Variants in GAB3 observed in about 807,000 individuals in gnomAD.
GAB3 encodes the protein GRB2 associated binding protein 3, also known as GRB2-associated-binding protein 3.
A neutral mutation model predicts 40.4 loss-of-function variants in GAB3; 12 were observed. The observed-to-expected ratio is 0.30, with a 90% CI of 0.19 to 0.48. GAB3 has a LOEUF of 0.48. Among genes scored for constraint, GAB3 ranks in the 20% least tolerant of loss-of-function variants. The pLI is 0.99. For missense variants in GAB3, 381 were observed against 461.9 expected (o/e 0.82, Z 1.61); for synonymous variants, 154 against 176.7 (o/e 0.87, Z 1.02).
intron 6 of GAB3, among the ~76,000 whole-genome samples, chrX:154,698,355 A>T (rs781841715): frequency 6.3e-5 from 7 of 111,884 alleles, no homozygotes; most frequent in Non-Finnish European, 1.3e-4. Context: ...TCATCTTTGT[A>T]TCCCACCCAG....
intron 8 of GAB3, among the ~76,000 whole-genome samples, chrX:154,689,635 G>T (rs1190735138): frequency 9.0e-6 from 1 of 111,160 alleles, no homozygotes; most frequent in African/African-American, 3.3e-5. Context: ...GACAAACGGA[G>T]AGCCAAATCA....
intron 1 of GAB3, among the ~76,000 whole-genome samples, chrX:154,728,792 C>T (rs2071250788): frequency 1.8e-5 from 2 of 112,476 alleles, no homozygotes; most frequent in African/African-American, 6.5e-5. Flanking sequence ...GTACCTCCAA[C>T]ATCTTTAACA....
At chrX:154,742,832 G>C (rs903418171) in intron 1 of GAB3, among the ~76,000 whole-genome samples, 1 of 110,173 alleles carries the variant, frequency 9.1e-6, no homozygotes, top group African/African-American at 3.3e-5. Flanking sequence ...CTAGAGATAG[G>C]AGTGAGGAGT....
Position 154,713,230 on chromosome X carries a change from C to T in GAB3, c.573G>A (p.Glu191=). ...ACCTGGTATGGTGCAGTCTTCCAGT[C>T]TCGCAGTTGGACAAAACCAGATAAT... is the stretch of plus-strand genomic sequence containing the variant. ...LPDYLVLSNC[E]TGRLHHTSLP... The change falls in exon 3 of 10, where the codon GAG becomes GAA. Residue 191 remains glutamate (E), a synonymous_variant. Coordinates refer to ENST00000424127, the MANE Select transcript of GAB3 (RefSeq NM_001081573.3). The T allele has an allele frequency of 8.3e-7, 1 of 1,210,232 alleles. No individual in the cohort carries two copies. Among genetic ancestry groups the T allele is most frequent in the East Asian group, 3.0e-5 (1 of 33,816 alleles).
chrX:154,696,270 A>G (rs1325444097), intron 7 of GAB3, among the ~76,000 whole-genome samples: 1 of 103,455 alleles, frequency 9.7e-6, no homozygotes, highest in Non-Finnish European at 2.0e-5. Flanking sequence ...TGAGCTTTCT[A>G]AACGGACGAG....
intron 1 of GAB3, among the ~76,000 whole-genome samples, chrX:154,724,452 T>G (rs955706966): frequency 6.3e-5 from 7 of 111,852 alleles, no homozygotes; most frequent in Non-Finnish European, 1.1e-4. Flanking sequence ...GGGAAACTGC[T>G]TCTCCCCTTC....
chrX:154,718,016 G>A (rs1286075052), intron 1 of GAB3, among the ~76,000 whole-genome samples: 1 of 111,456 alleles, frequency 9.0e-6, no homozygotes, highest in African/African-American at 3.3e-5. Context: ...CCATGCGGTA[G>A]CATGTGTGAC....
chrX:154,707,601 G>GTAA (rs1330987357), intron 4 of GAB3, among the ~76,000 whole-genome samples: 1 of 111,764 alleles, frequency 8.9e-6, no homozygotes, highest in East Asian at 2.8e-4. Context: ...AAACCACATT[G>GTAA]TAACGGTGAA....
intron 2 of GAB3, among the ~76,000 whole-genome samples, chrX:154,715,428 C>CAGAGAGAG (rs202010747): frequency 9.7e-6 from 1 of 102,569 alleles, no homozygotes; most frequent in Non-Finnish European, 2.0e-5. Flanking sequence ...GTGCGTGTGG[C>CAGAGAGAG]AGAGAGAGAG....
chrX:154,743,233 T>C (rs1557261540), intron 1 of GAB3, among the ~76,000 whole-genome samples: 2 of 110,561 alleles, frequency 1.8e-5, no homozygotes, highest in African/African-American at 6.6e-5. Flanking sequence ...ATTTTTAAAC[T>C]GTCAACCCAT....
At chrX:154,731,697 G>A (rs1190817928) in intron 1 of GAB3, among the ~76,000 whole-genome samples, 1 of 111,432 alleles carries the variant, frequency 9.0e-6, no homozygotes, top group Non-Finnish European at 1.9e-5. Flanking sequence ...GGTGGCTCCT[G>A]GGATTGTCTC....
At chrX:154,748,861 A>T (rs187747851) in intron 1 of GAB3, among the ~76,000 whole-genome samples, 1 of 112,298 alleles carries the variant, frequency 8.9e-6, no homozygotes, top group Admixed American at 9.4e-5. Flanking sequence ...GAATTTAAGC[A>T]GCTGTAACAG....
chrX:154,731,559 G>A (rs782612491), intron 1 of GAB3, among the ~76,000 whole-genome samples: 3 of 111,704 alleles, frequency 2.7e-5, no homozygotes, highest in African/African-American at 6.5e-5. Context: ...CCCCTTACGC[G>A]TGATTAAAAT....
intron 1 of GAB3, among the ~76,000 whole-genome samples, chrX:154,748,477 T>C (rs1349128235): frequency 1.8e-5 from 2 of 112,068 alleles, no homozygotes; most frequent in Non-Finnish European, 3.8e-5. Flanking sequence ...AATATATTTC[T>C]TGTGAAACAA....
chrX:154,698,710 C>T (rs1315969235), intron 6 of GAB3, among the ~76,000 whole-genome samples: 3 of 112,137 alleles, frequency 2.7e-5, no homozygotes, highest in Non-Finnish European at 5.6e-5. Context: ...GCTTAGCAAA[C>T]CAGAGAAGCT....
At chrX:154,679,398 C>CA (rs1408895239) in intron 9 of GAB3, 2 of 234,699 alleles carry the variant, frequency 8.5e-6, no homozygotes, top group African/African-American at 5.9e-5. Flanking sequence ...GTTTGTCTAC[C>CA]AAAACTGACT....
At chrX:154,709,539 T>C (rs917559086) in intron 4 of GAB3, among the ~76,000 whole-genome samples, 6 of 109,221 alleles carry the variant, frequency 5.5e-5, no homozygotes, top group South Asian at 8.0e-4. Flanking sequence ...AGGCTGGTCT[T>C]GAACCTCTAA....
chrX:154,705,253 T>G (rs782254715), intron 4 of GAB3, among the ~76,000 whole-genome samples: 19 of 112,014 alleles, frequency 1.7e-4, no homozygotes, highest in Admixed American at 3.8e-4. Context: ...GTTTAGTACC[T>G]AGGTTATGAA....
intron 4 of GAB3, among the ~76,000 whole-genome samples, chrX:154,708,550 T>G (rs782479240): frequency 8.9e-6 from 1 of 111,964 alleles, no homozygotes; most frequent in African/African-American, 3.2e-5. Flanking sequence ...ATGACCCAAT[T>G]TTAAAATGGG....
Sources: allele counts gnomAD v4.1 joint callset (sites outside exome capture counted in the v4.1 genomes callset), GRCh38; gene constraint gnomAD v4.1.1; transcripts MANE v1.5; gene names NCBI Gene and HGNC (gene_info 2026-07-23, HGNC 2026-07-21).